The following SH2B2 variants were observed in gnomAD, a reference collection of about 807,000 sequenced individuals.
SH2B2 encodes SH2B adapter protein 2.
A neutral mutation model predicts 35.7 loss-of-function variants in SH2B2; 37 were observed. That is an observed-to-expected ratio of 1.04 (90% CI 0.80 to 1.36). SH2B2 has a LOEUF of 1.36. SH2B2 is among the 40% of genes most tolerant of loss of function. The pLI is 0.00. For missense variants in SH2B2, 852 were observed against 817.7 expected (o/e 1.04, Z -0.51); for synonymous variants, 383 against 376.4 (o/e 1.02, Z -0.20).
Position 102,301,217 on chromosome 7 carries a change from C to T in SH2B2, c.667C>T (p.Leu223=). The change falls in exon 2 of 9, where the codon CTG becomes TTG. Residue 223 remains leucine, a synonymous_variant. Coordinates refer to ENST00000444095, the MANE Select transcript of SH2B2 (RefSeq NM_001359228.2). ...GGSAQWQKCR[L]LLRRAVAEER... is the part of the protein sequence containing the mutation. ...CTCGGCTCAGTGGCAGAAGTGCCGC[C>T]TGCTCCTGCGCAGGGCTGTGGCCGA... 1 of 1,596,972 alleles carries T rather than the reference C, an allele frequency of 6.3e-7. No individual in the cohort carries two copies. The highest frequency in any genetic ancestry group is 1.7e-5 in the Admixed American group (1 of 58,192).
At chr7:102,304,474 G>A (rs1225933583) in intron 2 of SH2B2, among the ~76,000 whole-genome samples, 1 of 152,174 alleles carries the variant, frequency 6.6e-6, no homozygotes, top group Non-Finnish European at 1.5e-5. Context: ...ATCTTACTGG[G>A]GTGAGCCCCG....
intron 2 of SH2B2, among the ~76,000 whole-genome samples, chr7:102,301,563 TGTGTGTGTGTGTGTGTGTGCGCGCGC>T (rs1365049360): frequency 3.0e-5 from 4 of 134,488 alleles, no homozygotes; most frequent in Non-Finnish European, 4.5e-5. Context: ...TGTGTCCGTG[TGTGTGTGTGTGTGTGTGTGCGCGCGC>T]GTGTGTGTGT....
chr7:102,300,865 T>C lies in SH2B2; in HGVS notation c.315T>C (p.Ser105=), dbSNP rs1793137275. 6.8e-6 allele frequency: 10 copies of C among 1,464,000 alleles called. No homozygotes were observed. The highest frequency in any genetic ancestry group is 9.0e-6 in the Non-Finnish European group (10 of 1,109,126). 90.7% of individuals were successfully genotyped at this position (1,464,000 alleles called of 1,614,324 possible). A position where few individuals can be genotyped will look rare whatever the true frequency, so the allele number is the denominator to read the frequency against. The change falls in exon 2 of 9, where the codon TCT becomes TCC. Residue 105 remains serine, a synonymous_variant. Coordinates refer to ENST00000444095, the MANE Select transcript of SH2B2 (RefSeq NM_001359228.2). ...EAMEPELADT[S]ALKAAPYGHS... ...TGGAGCCGGAGCTCGCGGACACCTC[T>C]GCACTCAAGGCGGCGCCCTACGGCC...
intron 1 of SH2B2, among the ~76,000 whole-genome samples, chr7:102,296,988 CAA>C (rs1297704407): frequency 6.6e-6 from 1 of 151,686 alleles, no homozygotes; most frequent in Non-Finnish European, 1.5e-5. Flanking sequence ...CAAAAAAAAA[CAA>C]AAAACAAAAA....
intron 2 of SH2B2, among the ~76,000 whole-genome samples, chr7:102,305,089 G>T (rs187830620): frequency 6.6e-6 from 1 of 152,234 alleles, no homozygotes; most frequent in South Asian, 2.1e-4. Flanking sequence ...AACCCTGCCC[G>T]CAGCGTTGTT....
At chr7:102,293,411 C>T (rs1792766868) in intron 1 of SH2B2, among the ~76,000 whole-genome samples, 1 of 151,436 alleles carries the variant, frequency 6.6e-6, no homozygotes, top group African/African-American at 2.4e-5. Flanking sequence ...CCCTGCCCTC[C>T]TCGCTCCATC....
chr7:102,296,272 A>G (rs1178908504), intron 1 of SH2B2, among the ~76,000 whole-genome samples: 1 of 152,184 alleles, frequency 6.6e-6, no homozygotes, highest in Non-Finnish European at 1.5e-5. Context: ...TTTACCTGGC[A>G]TTTAATTACA....
rs370788624 is a variant in SH2B2 at position 102,306,814 on chromosome 7, G to A, written c.823G>A (p.Val275Ile). ...AATGCCAGAGAAGGATAACACATTC[G>A]TCCTCAAGGTGAGGTCTCACCCCTA... The part of the protein sequence containing the change: ...LEMPEKDNTF[V>I]LKVENGAEYI... The change falls in exon 3 of 9, where the codon GTC becomes ATC. Residue 275 changes from valine (V) to isoleucine (I), a missense_variant. By Grantham distance (29) the Val-to-Ile change is conservative. Transcript: ENST00000444095. 2.8e-5 allele frequency: 44 copies of A among 1,579,890 alleles called. No individual in the cohort carries two copies. The highest frequency in any genetic ancestry group is 1.2e-4 in the East Asian group (5 of 42,838).
In SH2B2 at chr7:102,320,417, C is replaced by A. The variant is rs1554558141; in HGVS notation, c.1482C>A (p.Phe494Leu). ...FQSVLDMLRHFHTHPIPLESG... is the reference protein window; with the variant it reads ...FQSVLDMLRHLHTHPIPLESG... The stretch of plus-strand genomic sequence containing the variant: ...CTGTGCTTGACATGCTCCGCCACTT[C>A]CACACACACCCCATCCCACTGGAGT... Residue 494 changes from phenylalanine (F) to leucine (L), a missense_variant, in exon 8 of 9, where the codon TTC becomes TTA. This residue lies in a region of SH2B2 where 556 missense variants were observed against 514.5 expected (regional missense o/e 1.08). Coordinates refer to ENST00000444095, the MANE Select transcript of SH2B2 (RefSeq NM_001359228.2). The A allele has an allele frequency of 2.5e-6, 4 of 1,613,764 alleles. No individual in the cohort carries two copies. In the South Asian group the frequency reaches 3.3e-5, roughly 13 times the overall value.
rs1283439054 is a variant in SH2B2, at chr7:102,300,869, C to G, written c.319C>G (p.Leu107Val). 6.8e-7 allele frequency: 1 copy of G among 1,463,184 alleles called. No homozygotes were observed. Among genetic ancestry groups the G allele is most frequent in the Admixed American group, 2.6e-5 (1 of 38,690 alleles). 90.6% of individuals were successfully genotyped at this position (1,463,184 alleles called of 1,614,324 possible). The part of the protein sequence containing the change: ...MEPELADTSA[L>V]KAAPYGHSRS... The stretch of plus-strand genomic sequence containing the variant: ...GCCGGAGCTCGCGGACACCTCTGCA[C>G]TCAAGGCGGCGCCCTACGGCCACTC... Residue 107 changes from leucine to valine, a missense_variant, in exon 2 of 9, where the codon CTC (leucine) becomes GTC (valine). Physicochemically the swap from Leu to Val is conservative, Grantham distance 32. This residue lies in a region of SH2B2 where 294 missense variants were observed against 286.6 expected (regional missense o/e 1.03). Coordinates refer to ENST00000444095, the MANE Select transcript of SH2B2 (RefSeq NM_001359228.2).
intron 1 of SH2B2, among the ~76,000 whole-genome samples, chr7:102,298,767 C>T (rs1793018760): frequency 6.6e-6 from 1 of 152,036 alleles, no homozygotes; most frequent in African/African-American, 2.4e-5. Context: ...AGGCTTTTGC[C>T]ATGTTGCCTA....
At chr7:102,294,903 T>G (rs1256883465) in intron 1 of SH2B2, among the ~76,000 whole-genome samples, 1 of 152,178 alleles carries the variant, frequency 6.6e-6, no homozygotes, top group African/African-American at 2.4e-5. Context: ...CACAGGCTCC[T>G]GGGTGGCCTG....
In SH2B2 at chr7:102,292,803, G is replaced by A. The variant is rs574940286; in HGVS notation, c.-30+5709G>A. Among the ~76,000 whole-genome samples, 67 of 152,326 alleles carry A rather than the reference G, an allele frequency of 4.4e-4. No homozygotes were observed. The Middle Eastern group carries it at 0.01, about 23-fold the overall frequency. On this transcript the variant is annotated intron_variant, in intron 1 of 8. Coordinates refer to ENST00000444095, the MANE Select transcript of SH2B2 (RefSeq NM_001359228.2). ...TAGGAGAGAACCCTTAGTTCTGACC[G>A]TCTCCCCCTTCATGCACTTGGTTCT...
intron 1 of SH2B2, among the ~76,000 whole-genome samples, chr7:102,289,287 C>T (rs1446082886): frequency 6.6e-6 from 1 of 152,002 alleles, no homozygotes; most frequent in Admixed American, 6.5e-5. Context: ...CAGGAGCTCA[C>T]GGTTCGGTGG....
intron 1 of SH2B2, among the ~76,000 whole-genome samples, chr7:102,298,914 C>CTTTTTTTTTTTTTTTTT (rs1182008499): frequency 1.1e-5 from 1 of 93,384 alleles, no homozygotes; most frequent in Non-Finnish European, 2.0e-5. Context: ...TCTTTCTTCT[C>CTTTTTTTTTTTTTTTTT]TTTTTTTTTT....
chr7:102,295,438 G>C (rs956421915), intron 1 of SH2B2, among the ~76,000 whole-genome samples: 21 of 152,200 alleles, frequency 1.4e-4, no homozygotes, highest in African/African-American at 3.9e-4. Context: ...TACCACCCCT[G>C]CAGGTCATGG....
At position 102,317,324 on chromosome 7, in the gene SH2B2, T is replaced by A; in HGVS notation, c.1324T>A (p.Phe442Ile). The change falls in exon 7 of 9, where the codon TTC becomes ATC. Residue 442 changes from phenylalanine (F) to isoleucine (I), a missense_variant. Around this residue, in one of 3 missense-constraint regions of SH2B2, gnomAD observed 556 missense variants for 514.5 expected, o/e 1.08. Coordinates refer to ENST00000444095, the MANE Select transcript of SH2B2 (RefSeq NM_001359228.2). ...AGGGGGGCCCCGGAACCACGGCCTC[T>A]TCGTGATCCGCCAAAGTGAGACTCG... ...LAGGPRNHGLFVIRQSETRPG... is the reference protein window; with the variant it reads ...LAGGPRNHGLIVIRQSETRPG... 1 of 1,612,870 alleles carries A rather than the reference T, an allele frequency of 6.2e-7. No homozygotes were observed. The highest frequency in any genetic ancestry group is 8.5e-7 in the Non-Finnish European group (1 of 1,178,980).
chr7:102,319,658 G>C (rs1793979698), intron 7 of SH2B2, among the ~76,000 whole-genome samples: 1 of 151,836 alleles, frequency 6.6e-6, no homozygotes, highest in Non-Finnish European at 1.5e-5. Context: ...CCCAGAGATA[G>C]CCACTTGTTT....
chr7:102,317,242 C>T lies in SH2B2; in HGVS notation c.1242C>T (p.Asp414=), dbSNP rs1554557207. 6.2e-7 allele frequency: 1 copy of T among 1,612,870 alleles called. No individual in the cohort carries two copies. The highest frequency in any genetic ancestry group is 1.7e-5 in the Admixed American group (1 of 59,856). Residue 414 remains aspartate, a synonymous_variant, in exon 7 of 9, where the codon GAC becomes GAT. Transcript: ENST00000444095. ...PEAEPELELS[D]YPWFHGTLSR... ...CTGAACCCGAGCTGGAGCTATCCGACTACCCATGGTTCCACGGGACACTGT... is the reference window on the plus strand; with the variant it reads ...CTGAACCCGAGCTGGAGCTATCCGATTACCCATGGTTCCACGGGACACTGT...
Sources: allele counts gnomAD v4.1 joint callset (sites outside exome capture counted in the v4.1 genomes callset), GRCh38; gene constraint gnomAD v4.1.1; regional missense constraint gnomAD v4.1.1; transcripts MANE v1.5; gene names NCBI Gene and HGNC (gene_info 2026-07-23, HGNC 2026-07-21).